Variants in DNAH8 observed in about 807,000 individuals in gnomAD.
The protein encoded by DNAH8 is dynein axonemal heavy chain 8.
In DNAH8, 382 loss-of-function variants were observed where a neutral mutation model predicts 562.1. The ratio of observed to expected loss-of-function variants is 0.68; its 90% CI spans 0.63 to 0.74. DNAH8 has a LOEUF of 0.74. DNAH8 is among the 30% of genes least tolerant of loss of function. The pLI, the probability that DNAH8 is intolerant of heterozygous loss-of-function variation, is 0.00. For synonymous variants in DNAH8, 1,881 were observed against 1,919.4 expected (o/e 0.98, Z 0.52); for missense variants, 5,203 against 5,620.4 (o/e 0.93, Z 2.37).
intron 24 of DNAH8, among the ~76,000 whole-genome samples, chr6:38,812,059 C>T (rs1771846110): frequency 6.6e-6 from 1 of 152,162 alleles, no homozygotes; most frequent in South Asian, 2.1e-4. Flanking sequence ...TTTTGTCTTG[C>T]AGCATCATCT....
intron 23 of DNAH8, 50 bp downstream of exon 23, chr6:38,805,646 G>C: frequency 9.4e-7 from 1 of 1,064,348 alleles, no homozygotes; most frequent in South Asian, 1.3e-5. Flanking sequence ...ATGGTTTATA[G>C]GATTATAGAT....
chr6:39,012,117 C>T, intron 89 of DNAH8, 98 bp from the exon 90 acceptor site: 2 of 861,982 alleles, frequency 2.3e-6, no homozygotes, highest in East Asian at 2.6e-5. Flanking sequence ...GGTAGAGATA[C>T]ATCTAGAGGA....
At chr6:38,748,787 A>ATAATAATAG (rs1323309322) in intron 8 of DNAH8, among the ~76,000 whole-genome samples, 2 of 148,492 alleles carry the variant, frequency 1.3e-5, no homozygotes, top group Non-Finnish European at 3.0e-5. Context: ...AATAATAATA[A>ATAATAATAG]TAATATAACA....
chr6:38,896,763 G>A (rs974977761), intron 60 of DNAH8, among the ~76,000 whole-genome samples: 2 of 152,022 alleles, frequency 1.3e-5, no homozygotes, highest in Non-Finnish European at 2.9e-5. Flanking sequence ...AGACTTACTA[G>A]CTAAGAAGGA....
At chr6:38,798,059 G>A (rs1270707773) in intron 21 of DNAH8, among the ~76,000 whole-genome samples, 2 of 151,338 alleles carry the variant, frequency 1.3e-5, no homozygotes, top group African/African-American at 4.9e-5. Flanking sequence ...GGGCCACAGA[G>A]CGAGACTCCG....
chr6:38,775,624 G>A (rs887133133), intron 12 of DNAH8, 130 bp from the exon 13 acceptor site: 2 of 612,964 alleles, frequency 3.3e-6, no homozygotes, highest in East Asian at 2.8e-5. Flanking sequence ...CCTCTGGTTG[G>A]TTTTAGCGAA....
rs180928305 is a variant in DNAH8 at position 38,861,431 on chromosome 6, G to T, written c.6131+802G>T. Among the ~76,000 whole-genome samples the T allele has an allele frequency of 4.4e-3, 674 of 152,276 alleles. 2 individuals carry two copies. The highest frequency in any genetic ancestry group is 5.6e-3 in the Non-Finnish European group (382 of 68,032). ...CAAATACAACAGAAGCTGGATCATG[G>T]ATACAAAGAGATTTATTATATTAGT... On this transcript the variant is annotated intron_variant, in intron 43 of 92. Coordinates refer to ENST00000327475, the MANE Select transcript of DNAH8 (RefSeq NM_001206927.2).
intron 89 of DNAH8, among the ~76,000 whole-genome samples, chr6:39,010,820 CGTATGT>C (rs1182830289): frequency 6.0e-4 from 80 of 132,822 alleles, no homozygotes; most frequent in African/African-American, 8.6e-4. Flanking sequence ...CACACACACA[CGTATGT>C]ATGTATGTAT....
chr6:38,718,063 C>G (rs1762479957), intron 1 of DNAH8, among the ~76,000 whole-genome samples: 1 of 152,088 alleles, frequency 6.6e-6, no homozygotes, highest in Non-Finnish European at 1.5e-5. Flanking sequence ...ATAGCTCTAC[C>G]TCATTCTTTG....
chr6:38,742,572 G>T (rs1764604677), intron 8 of DNAH8, among the ~76,000 whole-genome samples: 1 of 152,120 alleles, frequency 6.6e-6, no homozygotes, highest in South Asian at 2.1e-4. Flanking sequence ...AAAGTGCTGG[G>T]ATTACAGGCG....
chr6:38,745,977 C>T (rs1764892511), intron 8 of DNAH8, among the ~76,000 whole-genome samples: 1 of 152,184 alleles, frequency 6.6e-6, no homozygotes, highest in Admixed American at 6.5e-5. Flanking sequence ...TGCCAGGTCT[C>T]TGTACTGTAC....
chr6:38,773,305 C>T (rs377229773), intron 12 of DNAH8, among the ~76,000 whole-genome samples: 42 of 145,846 alleles, frequency 2.9e-4, no homozygotes, highest in African/African-American at 9.4e-4. Context: ...ACCTGGGTGT[C>T]GCTTTGAAAT....
chr6:38,905,743 T>A (rs1780410055), intron 62 of DNAH8, among the ~76,000 whole-genome samples: 1 of 152,208 alleles, frequency 6.6e-6, no homozygotes, highest in Admixed American at 6.5e-5. Context: ...AATATTTGTT[T>A]TGAATGGTAA....
At chr6:38,901,651 C>T (rs764573063) in intron 62 of DNAH8, among the ~76,000 whole-genome samples, 5 of 151,996 alleles carry the variant, frequency 3.3e-5, no homozygotes, top group South Asian at 2.1e-4. Context: ...TTCTTCAAAA[C>T]GTCTTGTCCA....
At chr6:38,852,910 C>T (rs1325477190) in intron 40 of DNAH8, 112 bp downstream of exon 40, 6 of 783,300 alleles carry the variant, frequency 7.7e-6, no homozygotes, top group South Asian at 7.4e-5. Context: ...TCTCATTCTA[C>T]AGCCCTGGGC....
intron 10 of DNAH8, 71 bp downstream of exon 10, chr6:38,756,150 A>C: frequency 1.0e-6 from 1 of 969,972 alleles, no homozygotes; most frequent in East Asian, 2.4e-5. Context: ...TCTGAGCCCT[A>C]GGAAGGGAAT....
At chr6:38,749,887 A>G (rs529066354) in intron 8 of DNAH8, among the ~76,000 whole-genome samples, 2 of 152,280 alleles carry the variant, frequency 1.3e-5, no homozygotes, top group African/African-American at 2.4e-5. Context: ...GCTGGAGTGC[A>G]GTGGCGCGAT....
chr6:38,981,216 T>C (rs1246747425), intron 85 of DNAH8, among the ~76,000 whole-genome samples: 1 of 152,184 alleles, frequency 6.6e-6, no homozygotes, highest in Non-Finnish European at 1.5e-5. Context: ...ACTAATCTAA[T>C]AAATCCCTGG....
intron 91 of DNAH8, among the ~76,000 whole-genome samples, chr6:39,022,187 G>T (rs115692769): frequency 0.01 from 1,561 of 152,296 alleles, 25 homozygotes; most frequent in African/African-American, 0.035. Flanking sequence ...GTGGGTAAGT[G>T]GGGGGTAGCT....
Sources: allele counts gnomAD v4.1 joint callset (sites outside exome capture counted in the v4.1 genomes callset), GRCh38; gene constraint gnomAD v4.1.1; transcripts MANE v1.5; gene names NCBI Gene and HGNC (gene_info 2026-07-23, HGNC 2026-07-21).